The following VEGFC variants were observed in gnomAD, a reference collection of about 807,000 sequenced individuals.
The protein encoded by VEGFC is FLT4 ligand DHM.
In VEGFC, 12 loss-of-function variants were observed where a neutral mutation model predicts 46.1. The observed-to-expected ratio is 0.26, with a 90% CI of 0.17 to 0.42. VEGFC has a LOEUF of 0.42. Ranked by LOEUF, VEGFC falls within the 10% of genes least tolerant of loss-of-function variation. The pLI, the probability that VEGFC is intolerant of heterozygous loss-of-function variation, is 1.00. For missense variants in VEGFC, 488 were observed against 529.4 expected (o/e 0.92, Z 0.77); for synonymous variants, 232 against 195.5 (o/e 1.19, Z -1.56).
intron 3 of VEGFC, among the ~76,000 whole-genome samples, chr4:176,722,110 A>G (rs1419995184): frequency 2.0e-5 from 3 of 152,150 alleles, no homozygotes; most frequent in Non-Finnish European, 4.4e-5. Flanking sequence ...TATTGTAAAT[A>G]TATAGCCCAC....
intron 1 of VEGFC, among the ~76,000 whole-genome samples, chr4:176,770,803 A>G (rs969558034): frequency 1.3e-5 from 2 of 152,212 alleles, no homozygotes; most frequent in East Asian, 1.9e-4. Flanking sequence ...GGCCTGTCAT[A>G]GACTTTTCTT....
chr4:176,739,568 A>G (rs1735119749), intron 1 of VEGFC, among the ~76,000 whole-genome samples: 1 of 151,852 alleles, frequency 6.6e-6, no homozygotes, highest in Non-Finnish European at 1.5e-5. Flanking sequence ...CATGGGAGGG[A>G]ACAACACACA....
chr4:176,736,150 T>C (rs1283309521), intron 1 of VEGFC, among the ~76,000 whole-genome samples: 3 of 151,952 alleles, frequency 2.0e-5, no homozygotes, highest in African/African-American at 7.2e-5. Context: ...TGCACCTAAG[T>C]CACTAGTGCA....
chr4:176,757,099 C>T (rs781190148), intron 1 of VEGFC, among the ~76,000 whole-genome samples: 63 of 151,940 alleles, frequency 4.1e-4, no homozygotes, highest in African/African-American at 1.4e-3. Context: ...TAAATGTAGA[C>T]GGTAAAATGA....
chr4:176,750,658 A>G (rs986844506), intron 1 of VEGFC, among the ~76,000 whole-genome samples: 27 of 151,744 alleles, frequency 1.8e-4, no homozygotes, highest in Non-Finnish European at 1.0e-4. Context: ...AAATTTAACA[A>G]GTTTCTTCTC....
chr4:176,749,850 A>G (rs1735313414), intron 1 of VEGFC, among the ~76,000 whole-genome samples: 1 of 151,784 alleles, frequency 6.6e-6, no homozygotes, highest in African/African-American at 2.4e-5. Context: ...CAGAAGCAAA[A>G]ATAAACTCCA....
intron 1 of VEGFC, among the ~76,000 whole-genome samples, chr4:176,772,644 G>T (rs1735741958): frequency 6.6e-6 from 1 of 152,316 alleles, no homozygotes; most frequent in African/African-American, 2.4e-5. Flanking sequence ...GGGACCTTCA[G>T]AAGGTGATTA....
intron 1 of VEGFC, among the ~76,000 whole-genome samples, chr4:176,749,826 A>C (rs1422542360): frequency 6.6e-6 from 1 of 151,796 alleles, no homozygotes; most frequent in African/African-American, 2.4e-5. Flanking sequence ...CTTTGTAATA[A>C]CATAGTTAAG....
rs1036384117 is a variant in VEGFC at position 176,756,502 on chromosome 4, A to G, written c.148-26756T>C. Among the ~76,000 whole-genome samples, 8 of 152,184 alleles carry G rather than the reference A, an allele frequency of 5.3e-5. No individual in the cohort carries two copies. In the East Asian group the frequency reaches 1.5e-3, roughly 29 times the overall value. On this transcript the variant is annotated intron_variant, in intron 1 of 6. Transcript: ENST00000618562. ...CCACAAAAAAGAGCCAGTCATGCCC[A>G]TCTAGGGAAGAACATTCCAGGCTCT...
At chr4:176,734,523 G>T (rs1735023464) in intron 1 of VEGFC, among the ~76,000 whole-genome samples, 1 of 151,628 alleles carries the variant, frequency 6.6e-6, no homozygotes, top group African/African-American at 2.4e-5. Context: ...ATATACGCGA[G>T]AATTTCTAAA....
intron 1 of VEGFC, among the ~76,000 whole-genome samples, chr4:176,766,075 C>T (rs1735617640): frequency 6.6e-6 from 1 of 151,754 alleles, no homozygotes; most frequent in Non-Finnish European, 1.5e-5. Context: ...TGTCTCATAC[C>T]TAGGTACCGA....
At chr4:176,758,231 T>C (rs902058477) in intron 1 of VEGFC, among the ~76,000 whole-genome samples, 9 of 152,122 alleles carry the variant, frequency 5.9e-5, no homozygotes, top group Non-Finnish European at 1.2e-4. Flanking sequence ...CAAACAATAT[T>C]CTATCATATA....
chr4:176,791,527 AT>A (rs10706687), intron 1 of VEGFC, among the ~76,000 whole-genome samples: 107,590 of 151,984 alleles, frequency 0.71, 44,076 homozygotes, highest in East Asian at 0.99. Flanking sequence ...TCATGACCAG[AT>A]TTTAGGAATG....
chr4:176,787,046 T>C (rs981771852), intron 1 of VEGFC, among the ~76,000 whole-genome samples: 1 of 152,140 alleles, frequency 6.6e-6, no homozygotes, highest in Non-Finnish European at 1.5e-5. Context: ...GGCAGCATCA[T>C]GTAAATAAAT....
intron 1 of VEGFC, among the ~76,000 whole-genome samples, chr4:176,730,789 CTTAT>C (rs1483526558): frequency 1.3e-5 from 2 of 151,998 alleles, no homozygotes; most frequent in Non-Finnish European, 2.9e-5. Context: ...AAATTGAAAT[CTTAT>C]TTAATCTGAA....
chr4:176,792,813 G>T lies in VEGFC; in HGVS notation c.-502C>A, dbSNP rs935540315. The T allele has an allele frequency of 2.0e-5, 3 of 146,870 alleles. No individual in the cohort carries two copies. The highest frequency in any genetic ancestry group is 4.6e-5 in the Non-Finnish European group (3 of 65,812). 9.1% of individuals were successfully genotyped at this position (146,870 alleles called of 1,614,324 possible). A position where few individuals can be genotyped will look rare whatever the true frequency, so the allele number is the denominator to read the frequency against. ...GCGGTGCCGGGGGCGGGAGGAGGGC[G>T]GCGGGGCGGCTGGCGGCGGCGGGGC... On this transcript the variant is annotated 5_prime_UTR_variant, in exon 1 of 7. Transcript: ENST00000618562. The surrounding 1 kb of genome is among the most constrained non-coding windows in gnomAD (Gnocchi z 6.3).
At chr4:176,756,154 A>C (rs942273499) in intron 1 of VEGFC, among the ~76,000 whole-genome samples, 2 of 152,042 alleles carry the variant, frequency 1.3e-5, no homozygotes, top group African/African-American at 4.8e-5. Context: ...AAATCTATTA[A>C]GTGATAATAA....
chr4:176,713,789 A>G (rs1003716468), intron 3 of VEGFC, among the ~76,000 whole-genome samples: 1 of 152,206 alleles, frequency 6.6e-6, no homozygotes, highest in African/African-American at 2.4e-5. Context: ...GGGAAGAAGC[A>G]TAACAATGAT....
intron 4 of VEGFC, among the ~76,000 whole-genome samples, chr4:176,700,394 G>A (rs919615429): frequency 2.0e-5 from 3 of 151,486 alleles, no homozygotes; most frequent in African/African-American, 7.3e-5. Flanking sequence ...TCTAGCCTGG[G>A]CAACAGCATG....
Sources: allele counts gnomAD v4.1 joint callset (sites outside exome capture counted in the v4.1 genomes callset), GRCh38; gene constraint gnomAD v4.1.1; non-coding constraint Gnocchi (gnomAD v3.1); transcripts MANE v1.5; gene names NCBI Gene and HGNC (gene_info 2026-07-23, HGNC 2026-07-21).